GPC5: variants seen among roughly 807,000 people sequenced by gnomAD.
GPC5 encodes glypican 5, also known as glypican-5.
GPC5 carries 47 observed loss-of-function variants against 53.9 expected under a neutral mutation model. The observed-to-expected ratio is 0.87, with a 90% confidence interval of 0.69 to 1.11. The LOEUF is 1.11. Among genes scored for constraint, GPC5 ranks in the 50% most tolerant of loss-of-function variants. The probability of loss-of-function intolerance (pLI) is 0.00; values close to 1 mark genes in which losing one functional copy is unlikely to be tolerated. For synonymous variants in GPC5, 286 were observed against 263.3 expected (o/e 1.09, Z -0.84); for missense variants, 748 against 713.1 (o/e 1.05, Z -0.56).
At chr13:91,820,973 TAAAC>T (rs1178000844) in intron 5 of GPC5, among the ~76,000 whole-genome samples, 114 of 144,552 alleles carry the variant, frequency 7.9e-4, no homozygotes, top group African/African-American at 2.7e-3. Context: ...AAAAAAAAAA[TAAAC>T]AAATAAAATA....
At chr13:92,728,311 G>T (rs938157908) in intron 7 of GPC5, among the ~76,000 whole-genome samples, 1 of 151,232 alleles carries the variant, frequency 6.6e-6, no homozygotes, top group Non-Finnish European at 1.5e-5. Flanking sequence ...CTTATATCTT[G>T]CTTTGTTGCT....
At chr13:92,281,852 A>C (rs1454963935) in intron 7 of GPC5, among the ~76,000 whole-genome samples, 1 of 152,214 alleles carries the variant, frequency 6.6e-6, no homozygotes, top group African/African-American at 2.4e-5. Flanking sequence ...CTTCTCCTCC[A>C]AAGGAATGCA....
chr13:92,051,886 T>C (rs953152860), intron 6 of GPC5, among the ~76,000 whole-genome samples: 56 of 152,170 alleles, frequency 3.7e-4, no homozygotes, highest in African/African-American at 1.3e-3. Flanking sequence ...GGACTCTTTT[T>C]TTAGAGAGCT....
rs531379525 is a variant in GPC5 at position 91,663,149 on chromosome 13, A to G, written c.326-30038A>G. Among the ~76,000 whole-genome samples the G allele has an allele frequency of 2.7e-4, 41 of 152,322 alleles. 1 individual carries two copies. The South Asian group carries it at 8.5e-3, about 32-fold the overall frequency. Reference sequence around the variant, plus strand: ...ACGTTCTTGACTTATTCTCTCCAGTACTTAGTTCAGTATGGTTATATTCAA... The same window carrying G: ...ACGTTCTTGACTTATTCTCTCCAGTGCTTAGTTCAGTATGGTTATATTCAA... On this transcript the variant is annotated intron_variant, in intron 2 of 7. Coordinates refer to ENST00000377067, the MANE Select transcript of GPC5 (RefSeq NM_004466.6).
chr13:92,174,923 C>T (rs948499608), intron 7 of GPC5, among the ~76,000 whole-genome samples: 1 of 152,234 alleles, frequency 6.6e-6, no homozygotes, highest in Non-Finnish European at 1.5e-5. Context: ...CTTCTCAGCT[C>T]ATCGCAACCT....
intron 7 of GPC5, among the ~76,000 whole-genome samples, chr13:92,457,603 G>A (rs1566598936): frequency 1.3e-5 from 2 of 152,268 alleles, no homozygotes; most frequent in East Asian, 3.9e-4. Flanking sequence ...ATTATAGGAT[G>A]AATTCCAACT....
intron 2 of GPC5, among the ~76,000 whole-genome samples, chr13:91,675,686 C>T (rs1278604354): frequency 6.6e-6 from 1 of 152,116 alleles, no homozygotes; most frequent in East Asian, 1.9e-4. Flanking sequence ...GGGGTTTGCT[C>T]TTAATGATGA....
intron 7 of GPC5, among the ~76,000 whole-genome samples, chr13:92,755,815 A>C (rs201164874): frequency 0.05 from 7,000 of 140,396 alleles, 382 homozygotes; most frequent in East Asian, 0.3. Flanking sequence ...CAATAACAGG[A>C]TCTGAAATTG....
At chr13:92,835,956 A>G (rs987865528) in intron 7 of GPC5, among the ~76,000 whole-genome samples, 2 of 151,974 alleles carry the variant, frequency 1.3e-5, no homozygotes, top group Admixed American at 6.6e-5. Context: ...TTTTTGTCAT[A>G]TATAGTATTC....
intron 7 of GPC5, among the ~76,000 whole-genome samples, chr13:92,727,116 A>G (rs187381335): frequency 1.8e-3 from 278 of 151,588 alleles, no homozygotes; most frequent in African/African-American, 6.2e-3. Context: ...CACAATTTGT[A>G]ATAGCCATCA....
intron 5 of GPC5, among the ~76,000 whole-genome samples, chr13:91,763,151 T>C (rs181106774): frequency 1.7e-4 from 26 of 152,260 alleles, no homozygotes; most frequent in South Asian, 6.2e-4. Context: ...GACTTGGTGA[T>C]AACGCTCTGA....
intron 6 of GPC5, among the ~76,000 whole-genome samples, chr13:92,043,060 A>G (rs994173454): frequency 6.6e-6 from 1 of 152,246 alleles, no homozygotes; most frequent in Non-Finnish European, 1.5e-5. Context: ...TGCCAATCAT[A>G]TAATCTAAAG....
intron 7 of GPC5, among the ~76,000 whole-genome samples, chr13:92,337,621 G>T (rs1926645): frequency 1.3e-5 from 2 of 151,876 alleles, no homozygotes; most frequent in African/African-American, 4.8e-5. Flanking sequence ...ATGGATTAGT[G>T]GAACAGAATA....
At chr13:91,865,515 C>T (rs1392236125) in intron 5 of GPC5, among the ~76,000 whole-genome samples, 1 of 152,054 alleles carries the variant, frequency 6.6e-6, no homozygotes, top group Non-Finnish European at 1.5e-5. Flanking sequence ...AGAAAGACAA[C>T]AGCATCTTTA....
At chr13:92,102,353 C>T (rs938842835) in intron 6 of GPC5, among the ~76,000 whole-genome samples, 1 of 152,102 alleles carries the variant, frequency 6.6e-6, no homozygotes, top group African/African-American at 2.4e-5. Flanking sequence ...TTTTCACTTT[C>T]TTAGCGTAGT....
chr13:92,768,937 G>A (rs765166684), intron 7 of GPC5, among the ~76,000 whole-genome samples: 6 of 151,956 alleles, frequency 3.9e-5, no homozygotes, highest in Non-Finnish European at 7.4e-5. Flanking sequence ...ATTTTAAAGG[G>A]AAAAACATCC....
chr13:92,474,699 T>G (rs553209397), intron 7 of GPC5, among the ~76,000 whole-genome samples: 1 of 151,986 alleles, frequency 6.6e-6, no homozygotes, highest in East Asian at 1.9e-4. Context: ...TAAAATGAAC[T>G]ACAAGTACAC....
intron 6 of GPC5, among the ~76,000 whole-genome samples, chr13:92,056,161 T>C (rs1441829386): frequency 6.6e-6 from 1 of 152,202 alleles, no homozygotes; most frequent in Non-Finnish European, 1.5e-5. Flanking sequence ...TGAAAGGTTG[T>C]CTTCCTTCTG....
At chr13:91,678,485 A>T (rs1247983772) in intron 2 of GPC5, among the ~76,000 whole-genome samples, 1 of 152,234 alleles carries the variant, frequency 6.6e-6, no homozygotes, top group Non-Finnish European at 1.5e-5. Context: ...CTGTAGGCAG[A>T]TATCCCAAGA....
Sources: allele counts gnomAD v4.1 joint callset (sites outside exome capture counted in the v4.1 genomes callset), GRCh38; gene constraint gnomAD v4.1.1; transcripts MANE v1.5; gene names NCBI Gene and HGNC (gene_info 2026-07-23, HGNC 2026-07-21).